PNLIPRP3: variants seen among roughly 807,000 people sequenced by gnomAD.
PNLIPRP3 encodes pancreatic lipase-related protein 3.
In PNLIPRP3, 58 loss-of-function variants were observed where a neutral mutation model predicts 52.8. The observed-to-expected ratio is 1.10, with a 90% confidence interval of 0.89 to 1.37. The LOEUF is 1.37. Among genes scored for constraint, PNLIPRP3 ranks in the 40% most tolerant of loss-of-function variants. The pLI is 0.00. For synonymous variants in PNLIPRP3, 192 were observed against 185.0 expected (o/e 1.04, Z -0.31); for missense variants, 593 against 561.6 (o/e 1.06, Z -0.57).
chr10:116,471,329 A>T (rs7068917), intron 9 of PNLIPRP3, among the ~76,000 whole-genome samples: 3,193 of 152,268 alleles, frequency 0.021, 111 homozygotes, highest in African/African-American at 0.073. Context: ...AAATGATTAT[A>T]AAAGCATACA....
At chr10:116,469,376 A>G (rs1846331297) in intron 9 of PNLIPRP3, 59 bp downstream of exon 9, 3 of 1,486,940 alleles carry the variant, frequency 2.0e-6, no homozygotes, top group South Asian at 1.4e-5. Flanking sequence ...TTAAAAATTC[A>G]ACAGTTTTTA....
chr10:116,463,524 A>C (rs1328666440), intron 7 of PNLIPRP3, among the ~76,000 whole-genome samples: 1 of 152,174 alleles, frequency 6.6e-6, no homozygotes, highest in African/African-American at 2.4e-5. Context: ...AAGGCCTTAG[A>C]ACTTAACCAA....
At chr10:116,471,730 C>A (rs770281328) in intron 9 of PNLIPRP3, 38 bp from the exon 10 acceptor site, 58 of 1,467,996 alleles carry the variant, frequency 4.0e-5, no homozygotes, top group Non-Finnish European at 5.3e-5. Context: ...TGTTTTTAAC[C>A]CTTTCTCTCC....
intron 4 of PNLIPRP3, among the ~76,000 whole-genome samples, chr10:116,446,731 T>C (rs547516662): frequency 1.8e-4 from 27 of 152,272 alleles, no homozygotes; most frequent in African/African-American, 6.3e-4. Flanking sequence ...AGAAACTAGT[T>C]GAGAGGCTCT....
At position 116,461,031 on chromosome 10, in the gene PNLIPRP3, GC is replaced by G. The variant is rs1846183926; in HGVS notation, c.633del (p.Asn212ThrfsTer44). 1 of 1,614,062 alleles carries G rather than the reference GC, an allele frequency of 6.2e-7. No individual in the cohort carries two copies. The highest frequency in any genetic ancestry group is 8.5e-7 in the Non-Finnish European group (1 of 1,180,040). Reference protein sequence around the residue: ...PKEVRLDPSDANFVDVIHTNA... With the variant: ...PKEVRLDPSDXNFVDVIHTNA... ...GGAAGTCAGGCTAGACCCCTCGGAT[GC>G]CAACTTTGTTGACGTTATTCATACA... On this transcript the variant is annotated frameshift_variant, in exon 6 of 12. Coordinates refer to ENST00000369230, the MANE Select transcript of PNLIPRP3 (RefSeq NM_001011709.3). LOFTEE classifies it high-confidence loss of function.
intron 1 of PNLIPRP3, among the ~76,000 whole-genome samples, chr10:116,433,292 A>AT (rs1251042682): frequency 6.6e-6 from 1 of 152,056 alleles, no homozygotes; most frequent in Non-Finnish European, 1.5e-5. Context: ...ATTTGAGTAT[A>AT]TTTTCCAGAT....
intron 2 of PNLIPRP3, chr10:116,439,811 C>T: frequency 1.3e-6 from 1 of 775,474 alleles, no homozygotes; most frequent in South Asian, 1.3e-5. Context: ...TTAGCTGGTT[C>T]ATAATCCTTC....
intron 5 of PNLIPRP3, among the ~76,000 whole-genome samples, chr10:116,456,441 T>G (rs1340942697): frequency 6.6e-6 from 1 of 152,188 alleles, no homozygotes; most frequent in African/African-American, 2.4e-5. Flanking sequence ...ATACCACATG[T>G]GCCCCCAAAA....
intron 9 of PNLIPRP3, among the ~76,000 whole-genome samples, chr10:116,470,615 T>C (rs1000236931): frequency 1.3e-5 from 2 of 151,684 alleles, no homozygotes; most frequent in Non-Finnish European, 2.9e-5. Flanking sequence ...GTTCATGCCA[T>C]TCTCCTGCCT....
intron 3 of PNLIPRP3, among the ~76,000 whole-genome samples, chr10:116,443,959 C>G (rs1845903822): frequency 6.6e-6 from 1 of 151,286 alleles, no homozygotes; most frequent in Non-Finnish European, 1.5e-5. Context: ...CTGCCCTAGA[C>G]TGGGTAATTT....
chr10:116,443,243 A>C, intron 3 of PNLIPRP3, 69 bp downstream of exon 3: 1 of 1,490,576 alleles, frequency 6.7e-7, no homozygotes, highest in Non-Finnish European at 9.1e-7. Context: ...TGTACTTTGC[A>C]AGGTATTGAT....
Position 116,476,710 on chromosome 10 carries a change from G to T in PNLIPRP3, c.1231G>T (p.Gly411Ter). The change falls in exon 11 of 12, where the codon GGA becomes TGA. Residue 411 changes from glycine to a stop codon, truncating the protein, a stop_gained. Transcript: ENST00000369230. LOFTEE classifies it high-confidence loss of function. ...TKLIDADVNV[G>*]NITSVQFIWK... ...ATTAATCGATGCAGATGTTAACGTT[G>T]GAAACATTACAAGTGTTCAGTTCAT... The T allele has an allele frequency of 1.2e-6, 2 of 1,605,066 alleles. No homozygotes were observed. Among genetic ancestry groups the T allele is most frequent in the Non-Finnish European group, 1.7e-6 (2 of 1,177,238 alleles).
At chr10:116,442,898 T>C (rs903261079) in intron 2 of PNLIPRP3, among the ~76,000 whole-genome samples, 157 bp from the exon 3 acceptor site, 1 of 152,150 alleles carries the variant, frequency 6.6e-6, no homozygotes, top group Non-Finnish European at 1.5e-5. Flanking sequence ...GGTACTTTTA[T>C]AATATGTAGC....
chr10:116,433,146 A>AAAAAAAAAATT (rs1845730843), intron 1 of PNLIPRP3, among the ~76,000 whole-genome samples: 1 of 143,490 alleles, frequency 7.0e-6, no homozygotes. Flanking sequence ...AAAAAAAAAA[A>AAAAAAAAAATT]GTCTTGGAGT....
chr10:116,433,147 G>A (rs1455209035), intron 1 of PNLIPRP3, among the ~76,000 whole-genome samples: 357 of 13,042 alleles, frequency 0.027, no homozygotes, highest in South Asian at 0.056. Flanking sequence ...AAAAAAAAAA[G>A]TCTTGGAGTG....
chr10:116,445,504 T>C (rs1845932511), intron 4 of PNLIPRP3, among the ~76,000 whole-genome samples: 2 of 151,874 alleles, frequency 1.3e-5, no homozygotes, highest in African/African-American at 4.8e-5. Flanking sequence ...GTACAAGATC[T>C]TTAGAGAAAG....
intron 10 of PNLIPRP3, 42 bp from the exon 11 acceptor site, chr10:116,476,610 G>A (rs1232415279): frequency 2.0e-6 from 3 of 1,478,388 alleles, no homozygotes; most frequent in Non-Finnish European, 2.7e-6. Flanking sequence ...TCAGTGCTGT[G>A]AATACCCAGT....
Position 116,460,976 on chromosome 10 carries a change from A to G in PNLIPRP3, c.576A>G (p.Pro192=). The G allele has an allele frequency of 6.2e-7, 1 of 1,614,216 alleles. No homozygotes were observed. Among genetic ancestry groups the G allele is most frequent in the Non-Finnish European group, 8.5e-7 (1 of 1,180,022 alleles). Residue 192 remains proline, a synonymous_variant, in exon 6 of 12, where the codon CCA becomes CCG. Coordinates refer to ENST00000369230, the MANE Select transcript of PNLIPRP3 (RefSeq NM_001011709.3). ...TTGTGCTTTCTCTAGGGTTGGACCC[A>G]GCTGGGCCATTTTTCCACAACACTC... The part of the protein sequence containing the change: ...PGLGRITGLD[P]AGPFFHNTPK...
At chr10:116,453,515 C>T (rs746201472) in intron 4 of PNLIPRP3, among the ~76,000 whole-genome samples, 6 of 152,042 alleles carry the variant, frequency 3.9e-5, no homozygotes, top group Non-Finnish European at 7.4e-5. Flanking sequence ...CTCCAAATCT[C>T]ATATTGAAAT....
Sources: allele counts gnomAD v4.1 joint callset (sites outside exome capture counted in the v4.1 genomes callset), GRCh38; gene constraint gnomAD v4.1.1; transcripts MANE v1.5; gene names NCBI Gene and HGNC (gene_info 2026-07-23, HGNC 2026-07-21).